RBFOX1: variants seen among roughly 807,000 people sequenced by gnomAD.
RBFOX1 encodes the protein RNA binding protein fox-1 homolog 1.
A neutral mutation model predicts 57.7 loss-of-function variants in RBFOX1; 8 were observed. The observed-to-expected ratio is 0.14, with a 90% CI of 0.08 to 0.25. RBFOX1 has a LOEUF of 0.25. RBFOX1 is among the 10% of genes least tolerant of loss of function. The probability of loss-of-function intolerance (pLI) is 1.00; values close to 1 mark genes in which losing one functional copy is unlikely to be tolerated. For missense variants in RBFOX1, 611 were observed against 548.5 expected (o/e 1.11, Z -1.14); for synonymous variants, 326 against 222.4 (o/e 1.47, Z -4.15).
chr16:7,335,052 T>G (rs953970574), intron 4 of RBFOX1, among the ~76,000 whole-genome samples: 1 of 152,208 alleles, frequency 6.6e-6, no homozygotes, highest in African/African-American at 2.4e-5. Context: ...TATGGTTTGC[T>G]GAGACAGCCC....
At chr16:7,379,291 T>G (rs185308683) in intron 4 of RBFOX1, among the ~76,000 whole-genome samples, 224 of 152,284 alleles carry the variant, frequency 1.5e-3, no homozygotes, top group African/African-American at 5.1e-3. Flanking sequence ...CCTCTTTCTG[T>G]CCAAAAGAGT....
chr16:5,480,852 T>G (rs901466799), intron 2 of RBFOX1, among the ~76,000 whole-genome samples: 1 of 152,242 alleles, frequency 6.6e-6, no homozygotes, highest in Non-Finnish European at 1.5e-5. Context: ...ACAGTTGGGT[T>G]GTTTCCACTG....
chr16:6,832,740 C>G (rs1486237327), intron 3 of RBFOX1, among the ~76,000 whole-genome samples: 3 of 152,216 alleles, frequency 2.0e-5, no homozygotes, highest in Admixed American at 6.5e-5. Context: ...ATCTTTGCAG[C>G]TCTCTGTAAC....
At chr16:7,324,007 C>T (rs1293789898) in intron 4 of RBFOX1, among the ~76,000 whole-genome samples, 1 of 152,072 alleles carries the variant, frequency 6.6e-6, no homozygotes, top group African/African-American at 2.4e-5. Flanking sequence ...AAACAAGATC[C>T]AGCAGTTTTT....
chr16:5,848,709 G>A (rs941388121), intron 3 of RBFOX1, among the ~76,000 whole-genome samples: 1 of 152,178 alleles, frequency 6.6e-6, no homozygotes, highest in Non-Finnish European at 1.5e-5. Flanking sequence ...CACTTTGGGA[G>A]ACTGAGGTGG....
chr16:7,029,103 CACACACACACACACACACAT>C (rs2041981845), intron 3 of RBFOX1, among the ~76,000 whole-genome samples: 1 of 96,634 alleles, frequency 1.0e-5, no homozygotes, highest in African/African-American at 5.0e-5. Flanking sequence ...CACACACACA[CACACACACACACACACACAT>C]ATACGTATAT....
At chr16:7,035,794 A>C (rs1245821049) in intron 3 of RBFOX1, among the ~76,000 whole-genome samples, 1 of 151,978 alleles carries the variant, frequency 6.6e-6, no homozygotes, top group East Asian at 1.9e-4. Flanking sequence ...AGGATTCCTT[A>C]AGTTGGGGGT....
At chr16:6,834,929 G>A (rs922780261) in intron 3 of RBFOX1, among the ~76,000 whole-genome samples, 1 of 131,170 alleles carries the variant, frequency 7.6e-6, no homozygotes, top group Admixed American at 9.0e-5. Flanking sequence ...GTCTCGCTCT[G>A]TTGCCCAGGC....
chr16:5,660,912 C>T (rs1427135687), intron 3 of RBFOX1, among the ~76,000 whole-genome samples: 1 of 152,106 alleles, frequency 6.6e-6, no homozygotes, highest in Non-Finnish European at 1.5e-5. Context: ...GGATGAATTG[C>T]CTCCAACCCA....
intron 4 of RBFOX1, among the ~76,000 whole-genome samples, chr16:7,350,570 A>G (rs1323901877): frequency 6.6e-6 from 1 of 152,176 alleles, no homozygotes; most frequent in Non-Finnish European, 1.5e-5. Flanking sequence ...TGGGAGGAGG[A>G]TGGACAAATA....
intron 1 of RBFOX1, among the ~76,000 whole-genome samples, chr16:5,293,624 A>G (rs2063588516): frequency 6.6e-6 from 1 of 152,136 alleles, no homozygotes. Context: ...CATCAACCAA[A>G]TGGCCATTTT....
intron 4 of RBFOX1, among the ~76,000 whole-genome samples, chr16:7,457,787 C>T (rs1357184681): frequency 3.3e-5 from 5 of 151,936 alleles, no homozygotes; most frequent in African/African-American, 1.2e-4. Flanking sequence ...TTACGAGCAT[C>T]TAGCCTCACA....
intron 3 of RBFOX1, among the ~76,000 whole-genome samples, chr16:5,814,032 G>C (rs1184265720): frequency 1.3e-5 from 2 of 152,180 alleles, no homozygotes; most frequent in Non-Finnish European, 1.5e-5. Flanking sequence ...GGATAGTAAT[G>C]GTAATAGTAA....
intron 4 of RBFOX1, among the ~76,000 whole-genome samples, chr16:7,340,413 C>T (rs2096870434): frequency 6.6e-6 from 1 of 152,232 alleles, no homozygotes; most frequent in Admixed American, 6.5e-5. Flanking sequence ...CTTCTCCATT[C>T]ATGATCAGAT....
intron 4 of RBFOX1, among the ~76,000 whole-genome samples, chr16:7,487,285 A>G (rs866667263): frequency 6.6e-6 from 1 of 151,984 alleles, no homozygotes; most frequent in African/African-American, 2.4e-5. Flanking sequence ...TTCCTCAACT[A>G]CTTTATCTCA....
chr16:5,410,276 C>T (rs1463054060), intron 1 of RBFOX1, among the ~76,000 whole-genome samples: 1 of 151,290 alleles, frequency 6.6e-6, no homozygotes, highest in Non-Finnish European at 1.5e-5. Context: ...GAGGCTGAGG[C>T]AGGAGAATCA....
intron 1 of RBFOX1, among the ~76,000 whole-genome samples, chr16:5,287,887 G>C (rs1420656430): frequency 6.6e-6 from 1 of 152,212 alleles, no homozygotes; most frequent in Non-Finnish European, 1.5e-5. Context: ...GATGCAGGGA[G>C]GACTTGGATC....
chr16:6,733,964 G>T (rs2069373454), intron 3 of RBFOX1, among the ~76,000 whole-genome samples: 1 of 152,154 alleles, frequency 6.6e-6, no homozygotes, highest in Admixed American at 6.5e-5. Flanking sequence ...TTTAAGGGTT[G>T]CCATAAAGAC....
In RBFOX1 at chr16:6,149,387, G is replaced by T. The variant is rs1324956024; in HGVS notation, c.-127+129395G>T. ...GAGGAACATTGAAGTTTTGCTAGGA[G>T]GATTCATTGCAGACGCACAGGTTTC... is the stretch of plus-strand genomic sequence containing the variant. On this transcript the variant is annotated intron_variant, in intron 1 of 15. Coordinates refer to ENST00000550418, the MANE Select transcript of RBFOX1 (RefSeq NM_018723.4). 2.6e-5 allele frequency among the ~76,000 whole-genome samples: 4 copies of T among 152,206 alleles called. No individual in the cohort carries two copies. In the East Asian group the frequency reaches 7.7e-4, roughly 29 times the overall value.
Sources: allele counts gnomAD v4.1 joint callset (sites outside exome capture counted in the v4.1 genomes callset), GRCh38; gene constraint gnomAD v4.1.1; transcripts MANE v1.5; gene names NCBI Gene and HGNC (gene_info 2026-07-23, HGNC 2026-07-21).